The following BMPR1B variants were observed in gnomAD, a reference collection of about 807,000 sequenced individuals.
BMPR1B encodes bone morphogenetic protein receptor type-1B.
A neutral mutation model predicts 59.1 loss-of-function variants in BMPR1B; 12 were observed. The observed-to-expected ratio is 0.20, with a 90% CI of 0.13 to 0.33. BMPR1B has a LOEUF of 0.33. BMPR1B is among the 10% of genes least tolerant of loss of function. The probability of loss-of-function intolerance (pLI) is 1.00; values close to 1 mark genes in which losing one functional copy is unlikely to be tolerated. For synonymous variants in BMPR1B, 237 were observed against 207.3 expected, an observed-to-expected ratio of 1.14 and a Z score of -1.23; for missense variants, 550 against 610.9, an observed-to-expected ratio of 0.90 and a Z score of 1.05.
chr4:95,092,965 C>T (rs139252163), intron 3 of BMPR1B, among the ~76,000 whole-genome samples: 116 of 152,242 alleles, frequency 7.6e-4, no homozygotes, highest in African/African-American at 2.6e-3. Flanking sequence ...ACCATAGCTC[C>T]TGGCTTGGAA....
chr4:94,770,657 T>G (rs1234054693), intron 1 of BMPR1B, among the ~76,000 whole-genome samples: 1 of 152,128 alleles, frequency 6.6e-6, no homozygotes, highest in Admixed American at 6.6e-5. Context: ...TTAAGGCTAC[T>G]TCCAGCACCT....
intron 1 of BMPR1B, among the ~76,000 whole-genome samples, chr4:94,810,178 A>G (rs899189301): frequency 6.6e-6 from 1 of 152,142 alleles, no homozygotes; most frequent in African/African-American, 2.4e-5. Context: ...AGCATTCCAC[A>G]TATTGGCATT....
intron 2 of BMPR1B, among the ~76,000 whole-genome samples, chr4:94,976,147 G>A (rs1411990644): frequency 1.3e-5 from 2 of 152,184 alleles, no homozygotes; most frequent in African/African-American, 2.4e-5. Context: ...GGGTCTGGCC[G>A]TGTGGTCCCT....
intron 2 of BMPR1B, among the ~76,000 whole-genome samples, chr4:94,916,995 T>C (rs921789909): frequency 6.6e-6 from 1 of 152,252 alleles, no homozygotes; most frequent in Non-Finnish European, 1.5e-5. Flanking sequence ...TAGGTATAGC[T>C]TGGGCTGCCA....
At chr4:95,101,005 G>C (rs1730781561) in intron 3 of BMPR1B, among the ~76,000 whole-genome samples, 1 of 152,060 alleles carries the variant, frequency 6.6e-6, no homozygotes, top group African/African-American at 2.4e-5. Flanking sequence ...TAAATTAGTG[G>C]CTCATGTGTA....
chr4:94,840,899 T>C (rs1725032478), intron 1 of BMPR1B, among the ~76,000 whole-genome samples: 1 of 147,446 alleles, frequency 6.8e-6, no homozygotes, highest in South Asian at 2.2e-4. Flanking sequence ...TGGTTTTATC[T>C]CCTTTTGGTC....
intron 1 of BMPR1B, among the ~76,000 whole-genome samples, chr4:94,780,018 T>C (rs2110585052): frequency 6.6e-6 from 1 of 152,318 alleles, no homozygotes; most frequent in African/African-American, 2.4e-5. Context: ...TTTCATAATG[T>C]TAAATTGCTC....
At chr4:95,150,766 G>A (rs1579168625) in intron 11 of BMPR1B, among the ~76,000 whole-genome samples, 1 of 152,204 alleles carries the variant, frequency 6.6e-6, no homozygotes, top group East Asian at 1.9e-4. Flanking sequence ...CTATAATGTT[G>A]CCTTATTGTT....
chr4:95,025,875 A>G (rs776699585), intron 3 of BMPR1B, among the ~76,000 whole-genome samples: 2 of 152,218 alleles, frequency 1.3e-5, no homozygotes, highest in African/African-American at 2.4e-5. Flanking sequence ...AATTTGTGCT[A>G]TGACTTGATA....
chr4:94,782,202 A>G (rs568826657), intron 1 of BMPR1B, among the ~76,000 whole-genome samples: 1 of 151,458 alleles, frequency 6.6e-6, no homozygotes, highest in Non-Finnish European at 1.5e-5. Flanking sequence ...CCTGTTCTTC[A>G]GGTTGTACTA....
At chr4:94,815,500 C>G (rs1447566888) in intron 1 of BMPR1B, among the ~76,000 whole-genome samples, 2 of 152,126 alleles carry the variant, frequency 1.3e-5, no homozygotes, top group Non-Finnish European at 2.9e-5. Flanking sequence ...AAACATCTTA[C>G]CAAATTTCTT....
chr4:94,933,171 A>G (rs2149035900), intron 2 of BMPR1B, among the ~76,000 whole-genome samples: 1 of 152,072 alleles, frequency 6.6e-6, no homozygotes, highest in African/African-American at 2.4e-5. Flanking sequence ...CTGCATTTTT[A>G]TTTCATTCAT....
rs780171269 is a variant in BMPR1B, at chr4:95,148,909, G to C, written c.1238G>C (p.Arg413Thr). Residue 413 changes from arginine to threonine, a missense_variant, in exon 11 of 13, where the codon AGA (arginine) becomes ACA (threonine). Transcript: ENST00000515059. Reference sequence around the variant, plus strand: ...CTCATCCTTTGGGAGGTTGCTAGGAGATGTGTATCAGGAGGTAAGAAACAG... The same window carrying C: ...CTCATCCTTTGGGAGGTTGCTAGGACATGTGTATCAGGAGGTAAGAAACAG... ...FGLILWEVAR[R>T]CVSGGIVEEY... The C allele has an allele frequency of 8.1e-6, 13 of 1,613,870 alleles. No individual in the cohort carries two copies. The highest frequency in any genetic ancestry group is 1.0e-5 in the Non-Finnish European group (12 of 1,179,904).
intron 6 of BMPR1B, among the ~76,000 whole-genome samples, chr4:95,119,169 T>TA (rs1271439003): frequency 6.6e-6 from 1 of 152,140 alleles, no homozygotes; most frequent in African/African-American, 2.4e-5. Context: ...ATAGTTCTAG[T>TA]TTTGGTTGAG....
intron 1 of BMPR1B, among the ~76,000 whole-genome samples, chr4:94,764,980 C>T (rs561343339): frequency 2.6e-5 from 4 of 152,126 alleles, no homozygotes; most frequent in South Asian, 2.1e-4. Context: ...AAAAAATAAA[C>T]GGTGCAGCAG....
chr4:94,759,956 A>G (rs1177698103), intron 1 of BMPR1B, among the ~76,000 whole-genome samples: 1 of 152,190 alleles, frequency 6.6e-6, no homozygotes, highest in Non-Finnish European at 1.5e-5. Flanking sequence ...TTAGCAAAAT[A>G]TGGCCTAGAG....
intron 7 of BMPR1B, 27 bp downstream of exon 7, chr4:95,123,933 A>C: frequency 6.6e-7 from 1 of 1,509,050 alleles, no homozygotes; most frequent in Non-Finnish European, 9.2e-7. Flanking sequence ...TAGATGCAAA[A>C]TTTTTAATTT....
At chr4:95,087,444 C>T (rs1219506807) in intron 3 of BMPR1B, among the ~76,000 whole-genome samples, 1 of 152,044 alleles carries the variant, frequency 6.6e-6, no homozygotes, top group Non-Finnish European at 1.5e-5. Context: ...TAGAAATTAC[C>T]TCTCAGCCAG....
chr4:94,880,705 C>A (rs1171832984), intron 2 of BMPR1B, among the ~76,000 whole-genome samples: 2 of 141,322 alleles, frequency 1.4e-5, no homozygotes, highest in East Asian at 4.2e-4. Context: ...GTGATGAAAT[C>A]ATGGCTCACT....
Sources: gnomAD v4.1 joint callset for allele counts (sites outside exome capture counted in the v4.1 genomes callset) on GRCh38, gnomAD v4.1.1 for gene constraint, MANE v1.5 for transcripts, NCBI Gene and HGNC (gene_info 2026-07-23, HGNC 2026-07-21) for gene names.